The following CYTH1 variants were observed in gnomAD, a reference collection of about 807,000 sequenced individuals.
CYTH1 encodes the protein cytohesin-1.
Under a neutral mutation model 61.8 loss-of-function variants are expected in CYTH1, and 18 were observed. The observed-to-expected ratio is 0.29, with a 90% CI of 0.20 to 0.43. The LOEUF (loss-of-function observed/expected upper bound fraction) is 0.43. Ranked by LOEUF, CYTH1 falls within the 20% of genes least tolerant of loss-of-function variation. CYTH1 has a pLI of 1.00. For synonymous variants in CYTH1, 174 were observed against 184.3 expected (o/e 0.94, Z 0.45); for missense variants, 336 against 510.5 (o/e 0.66, Z 3.29).
At chr17:78,761,812 C>G (rs1238166173) in intron 1 of CYTH1, among the ~76,000 whole-genome samples, 1 of 152,154 alleles carries the variant, frequency 6.6e-6, no homozygotes, top group African/African-American at 2.4e-5. Context: ...ATGCTATACA[C>G]ACACATTTAT....
intron 1 of CYTH1, among the ~76,000 whole-genome samples, chr17:78,758,325 G>A (rs191476944): frequency 1.2e-4 from 19 of 152,284 alleles, no homozygotes; most frequent in African/African-American, 4.3e-4. Flanking sequence ...TGTAGCTGGC[G>A]ACATGAAGTT....
At chr17:78,726,938 C>T (rs970930323) in intron 1 of CYTH1, among the ~76,000 whole-genome samples, 6 of 152,312 alleles carry the variant, frequency 3.9e-5, no homozygotes, top group African/African-American at 1.2e-4. Flanking sequence ...CATCCTTATC[C>T]AGCACTAATT....
Position 78,710,634 on chromosome 17 carries a change from T to C in CYTH1, c.23-902A>G, listed in dbSNP as rs550515241. Among the ~76,000 whole-genome samples the C allele has an allele frequency of 6.6e-5, 10 of 152,364 alleles. No homozygotes were observed. In the South Asian group the frequency reaches 2.1e-3, roughly 32 times the overall value. On this transcript the variant is annotated intron_variant, in intron 1 of 13. Coordinates refer to ENST00000446868, the MANE Select transcript of CYTH1 (RefSeq NM_004762.6). ...AAATTAGGTCACTTCAGACAAGTTA[T>C]GTAACCCACTTGGGTCACATTTCAT...
intron 1 of CYTH1, among the ~76,000 whole-genome samples, chr17:78,781,170 T>TA (rs899046034): frequency 2.3e-3 from 292 of 126,624 alleles, no homozygotes; most frequent in East Asian, 7.9e-3. Context: ...TCTCGTCTCT[T>TA]AAAAAAAAAA....
chr17:78,737,676 T>C lies in CYTH1; in HGVS notation c.23-27944A>G, dbSNP rs1024458579. 3.3e-5 allele frequency among the ~76,000 whole-genome samples: 5 copies of C among 151,956 alleles called. No individual in the cohort carries two copies. The South Asian group carries it at 8.3e-4, about 25-fold the overall frequency. On this transcript the variant is annotated intron_variant, in intron 1 of 13. Coordinates refer to ENST00000446868, the MANE Select transcript of CYTH1 (RefSeq NM_004762.6). ...TTCATCTCCATTATGATTTCTAATA[T>C]GCTGCACCCAAAGATTCTTGCCTGC...
intron 10 of CYTH1, among the ~76,000 whole-genome samples, chr17:78,694,721 C>T (rs376417167): frequency 1.3e-5 from 2 of 151,934 alleles, no homozygotes; most frequent in African/African-American, 2.4e-5. Context: ...ATGGAAAAAG[C>T]GAGTCAGATG....
At chr17:78,698,699 A>C in intron 8 of CYTH1, 121 bp downstream of exon 8, 1 of 1,237,708 alleles carries the variant, frequency 8.1e-7, no homozygotes, top group Non-Finnish European at 1.1e-6. Flanking sequence ...CACATGGTTA[A>C]ACAAATTAAA....
chr17:78,704,614 G>A (rs1224658059), intron 3 of CYTH1, among the ~76,000 whole-genome samples: 1 of 152,162 alleles, frequency 6.6e-6, no homozygotes, highest in Non-Finnish European at 1.5e-5. Context: ...TTTAACTCCT[G>A]AGCTCAAGTG....
intron 1 of CYTH1, among the ~76,000 whole-genome samples, chr17:78,768,512 T>G (rs889823940): frequency 6.6e-6 from 1 of 152,204 alleles, no homozygotes; most frequent in Non-Finnish European, 1.5e-5. Context: ...CAAGCAGTCA[T>G]CCAAAGACAG....
At chr17:78,685,518 T>C (rs1405306442) in intron 11 of CYTH1, among the ~76,000 whole-genome samples, 1 of 152,218 alleles carries the variant, frequency 6.6e-6, no homozygotes, top group Non-Finnish European at 1.5e-5. Context: ...TAGCTATTAG[T>C]TCTATACTTA....
chr17:78,777,007 C>A (rs755339719), intron 1 of CYTH1, among the ~76,000 whole-genome samples: 47 of 152,180 alleles, frequency 3.1e-4, no homozygotes, highest in Non-Finnish European at 5.0e-4. Context: ...TGCCTGTAAT[C>A]CCAGCTACTT....
chr17:78,775,449 T>A (rs896025701), intron 1 of CYTH1, among the ~76,000 whole-genome samples: 1 of 152,202 alleles, frequency 6.6e-6, no homozygotes, highest in Non-Finnish European at 1.5e-5. Flanking sequence ...AATGAACAAC[T>A]TTCTTGAATG....
At chr17:78,782,158 G>T in intron 1 of CYTH1, 44 bp downstream of exon 1, 1 of 1,342,888 alleles carries the variant, frequency 7.4e-7, no homozygotes, top group Non-Finnish European at 9.7e-7. Context: ...GGAGGGGACT[G>T]GGGGACAGCG....
At chr17:78,757,076 T>C (rs1445590678) in intron 1 of CYTH1, among the ~76,000 whole-genome samples, 1 of 148,004 alleles carries the variant, frequency 6.8e-6, no homozygotes. Context: ...GCCTCCTGAG[T>C]AGATGGGACT....
intron 1 of CYTH1, among the ~76,000 whole-genome samples, chr17:78,779,400 CAAAAAA>C (rs56061178): frequency 6.5e-4 from 55 of 84,178 alleles, no homozygotes; most frequent in African/African-American, 2.5e-3. Context: ...AACTCCATCT[CAAAAAA>C]AAAAAAAAAA....
At chr17:78,680,712 C>T (rs927645432) in intron 12 of CYTH1, among the ~76,000 whole-genome samples, 2 of 152,212 alleles carry the variant, frequency 1.3e-5, no homozygotes, top group Non-Finnish European at 2.9e-5. Flanking sequence ...CCCACTCCTG[C>T]GTGCTTGCCG....
chr17:78,741,285 A>T (rs1301969049), intron 1 of CYTH1, among the ~76,000 whole-genome samples: 2 of 152,204 alleles, frequency 1.3e-5, no homozygotes, highest in Admixed American at 6.5e-5. Flanking sequence ...CTGTAATCCC[A>T]GCACTTTGGG....
chr17:78,687,365 C>A (rs1323491400), intron 11 of CYTH1, among the ~76,000 whole-genome samples: 11 of 152,132 alleles, frequency 7.2e-5, no homozygotes, highest in Admixed American at 2.6e-4. Flanking sequence ...GCTTTTGGGG[C>A]AATCTCAGGA....
intron 1 of CYTH1, among the ~76,000 whole-genome samples, chr17:78,711,706 C>A (rs1276247150): frequency 1.4e-5 from 2 of 141,332 alleles, no homozygotes; most frequent in Non-Finnish European, 3.1e-5. Flanking sequence ...CCGACTTTTC[C>A]TTTTTTTTTT....
Sources: allele counts gnomAD v4.1 joint callset (sites outside exome capture counted in the v4.1 genomes callset), GRCh38; gene constraint gnomAD v4.1.1; transcripts MANE v1.5; gene names NCBI Gene and HGNC (gene_info 2026-07-23, HGNC 2026-07-21).